Variants in RORA observed in about 807,000 individuals in gnomAD.
RORA encodes RAR related orphan receptor A.
In RORA, 7 loss-of-function variants were observed where a neutral mutation model predicts 69.5. The ratio of observed to expected loss-of-function variants is 0.10; its 90% CI spans 0.06 to 0.19. The LOEUF is 0.19. Among genes scored for constraint, RORA ranks in the 10% least tolerant of loss-of-function variants. The pLI is 1.00. For missense variants in RORA, 457 were observed against 663.0 expected, an observed-to-expected ratio of 0.69 and a Z score of 3.41; for synonymous variants, 261 against 240.8, an observed-to-expected ratio of 1.08 and a Z score of -0.78.
intron 2 of RORA, among the ~76,000 whole-genome samples, chr15:60,582,203 T>C (rs1387558540): frequency 6.6e-6 from 1 of 152,228 alleles, no homozygotes; most frequent in African/African-American, 2.4e-5. Flanking sequence ...TTTATTTAAA[T>C]AGCATAAAGT....
chr15:60,734,974 G>A (rs1346614975), intron 1 of RORA, among the ~76,000 whole-genome samples: 1 of 152,182 alleles, frequency 6.6e-6, no homozygotes, highest in Non-Finnish European at 1.5e-5. Context: ...CAGCACAGTT[G>A]GGTATAAAAG....
Position 60,493,394 on chromosome 15 carries a change from A to C in RORA, c.*4061T>G, listed in dbSNP as rs142418279. On this transcript the variant is annotated 3_prime_UTR_variant, in exon 11 of 11. Coordinates refer to ENST00000335670, the MANE Select transcript of RORA (RefSeq NM_134261.3). ...GTACACCCGCAAGTGCTCTATGTAC[A>C]TATTGCACTAGAGAGGAATGAAGAA... 1.3e-5 allele frequency: 2 copies of C among 152,354 alleles called. No homozygotes were observed. Among genetic ancestry groups the C allele is most frequent in the East Asian group, 3.9e-4 (2 of 5,192 alleles). 9.4% of individuals were successfully genotyped at this position (152,354 alleles called of 1,614,324 possible).
chr15:60,936,099 C>T (rs28584832), intron 1 of RORA, among the ~76,000 whole-genome samples: 106 of 152,252 alleles, frequency 7.0e-4, no homozygotes, highest in African/African-American at 2.0e-3. Context: ...TGCATAGTAA[C>T]GAAACCATCA....
At chr15:60,548,304 G>A (rs989524515) in intron 2 of RORA, among the ~76,000 whole-genome samples, 1 of 152,094 alleles carries the variant, frequency 6.6e-6, no homozygotes, top group Non-Finnish European at 1.5e-5. Flanking sequence ...ACATAGCATT[G>A]GGTTGTCATT....
intron 1 of RORA, among the ~76,000 whole-genome samples, chr15:60,949,222 C>T (rs1423262450): frequency 6.6e-6 from 1 of 152,160 alleles, no homozygotes; most frequent in Non-Finnish European, 1.5e-5. Flanking sequence ...CGTGTTGAGG[C>T]AGCTGAACCC....
At chr15:60,936,156 C>CA (rs1304384231) in intron 1 of RORA, among the ~76,000 whole-genome samples, 1 of 152,184 alleles carries the variant, frequency 6.6e-6, no homozygotes, top group Non-Finnish European at 1.5e-5. Context: ...TGCTAGGACC[C>CA]AATCCTATCT....
intron 1 of RORA, among the ~76,000 whole-genome samples, chr15:61,119,606 G>A (rs970358180): frequency 3.3e-5 from 5 of 151,866 alleles, no homozygotes; most frequent in African/African-American, 7.3e-5. Flanking sequence ...ACCGGTCATC[G>A]GGGCAACTAT....
At chr15:60,773,159 C>T (rs1315188336) in intron 1 of RORA, among the ~76,000 whole-genome samples, 1 of 152,178 alleles carries the variant, frequency 6.6e-6, no homozygotes, top group Non-Finnish European at 1.5e-5. Flanking sequence ...AAGCCTTGAT[C>T]CATCTTGACA....
chr15:61,052,652 G>A (rs140507885), intron 1 of RORA, among the ~76,000 whole-genome samples: 1 of 152,334 alleles, frequency 6.6e-6, no homozygotes, highest in East Asian at 1.9e-4. Context: ...GATATTCTGA[G>A]AGCGCATTTT....
Position 60,592,346 on chromosome 15 carries a change from G to A in RORA, c.197-60495C>T. The A allele has an allele frequency of 3.7e-6, 5 of 1,357,536 alleles. No individual in the cohort carries two copies. In the South Asian group the frequency reaches 8.4e-5, roughly 23 times the overall value. The allele number at this position is 1,357,536 out of a possible 1,614,324, so 84.1% of individuals were successfully genotyped here. On this transcript the variant is annotated intron_variant, in intron 2 of 10. Transcript: ENST00000335670. Reference sequence around the variant, plus strand: ...CGCGCCCTCCTCCCCGCCCCCCGGAGCCGCCAGCCCACCCGGCCCCGGCGG... The same window carrying A: ...CGCGCCCTCCTCCCCGCCCCCCGGAACCGCCAGCCCACCCGGCCCCGGCGG...
intron 1 of RORA, among the ~76,000 whole-genome samples, chr15:61,030,527 T>C (rs1182118974): frequency 6.6e-6 from 1 of 152,152 alleles, no homozygotes; most frequent in Non-Finnish European, 1.5e-5. Context: ...GAAGGAATAA[T>C]CCATGGTGCA....
At chr15:60,705,566 G>A (rs77555442) in intron 1 of RORA, among the ~76,000 whole-genome samples, 3 of 152,120 alleles carry the variant, frequency 2.0e-5, no homozygotes, top group Non-Finnish European at 4.4e-5. Context: ...GATAAAGGTC[G>A]AGACAAGGCC....
intron 1 of RORA, among the ~76,000 whole-genome samples, chr15:61,133,975 T>C (rs1489522467): frequency 6.6e-6 from 1 of 152,228 alleles, no homozygotes; most frequent in African/African-American, 2.4e-5. Flanking sequence ...AGTTTGTTTG[T>C]TGAAATCACT....
At chr15:60,862,790 CTTAA>C (rs2073447409) in intron 1 of RORA, among the ~76,000 whole-genome samples, 1 of 152,152 alleles carries the variant, frequency 6.6e-6, no homozygotes, top group Admixed American at 6.6e-5. Context: ...AGGTCGGAGC[CTTAA>C]TTAGAGTCAC....
chr15:61,071,698 A>G (rs62005640), intron 1 of RORA, among the ~76,000 whole-genome samples: 15,812 of 131,098 alleles, frequency 0.12, 1,500 homozygotes, highest in African/African-American at 0.23. Context: ...GGAGGGGAAG[A>G]GAGGACCCAC....
intron 3 of RORA, among the ~76,000 whole-genome samples, chr15:60,524,026 C>T (rs1470993085): frequency 6.6e-6 from 1 of 152,200 alleles, no homozygotes; most frequent in Non-Finnish European, 1.5e-5. Context: ...CCAGTGTTTT[C>T]TTGCTCAGTG....
At position 60,832,529 on chromosome 15, in the gene RORA, C is replaced by T. The variant is rs2073055118; in HGVS notation, c.167-153843G>A. Among the ~76,000 whole-genome samples the T allele has an allele frequency of 2.0e-5, 3 of 152,280 alleles. No homozygotes were observed. In the South Asian group the frequency reaches 6.2e-4, roughly 32 times the overall value. On this transcript the variant is annotated intron_variant, in intron 1 of 10. Transcript: ENST00000335670. ...TCATGGAGCACAACTGTTACTCCAG[C>T]TCAGACTTCGATGTAAAGGACAAAT...
At chr15:60,712,208 C>A (rs539450635) in intron 1 of RORA, among the ~76,000 whole-genome samples, 8 of 152,178 alleles carry the variant, frequency 5.3e-5, no homozygotes, top group African/African-American at 1.9e-4. Context: ...CAGTTGTTCC[C>A]TACATATTCT....
intron 1 of RORA, among the ~76,000 whole-genome samples, chr15:60,813,722 G>A (rs796793956): frequency 2.0e-5 from 3 of 152,110 alleles, no homozygotes; most frequent in African/African-American, 7.2e-5. Flanking sequence ...CAGATCAAAT[G>A]TAATAAGAGC....
Sources: allele counts gnomAD v4.1 joint callset (sites outside exome capture counted in the v4.1 genomes callset), GRCh38; gene constraint gnomAD v4.1.1; transcripts MANE v1.5; gene names NCBI Gene and HGNC (gene_info 2026-07-23, HGNC 2026-07-21).